The following IFT122 variants were observed in gnomAD, a reference collection of about 807,000 sequenced individuals.
IFT122 encodes the protein intraflagellar transport 122.
IFT122 carries 118 observed loss-of-function variants against 161.6 expected under a neutral mutation model. The observed-to-expected ratio is 0.73, with a 90% CI of 0.63 to 0.85. IFT122 has a LOEUF of 0.85. IFT122 is among the 40% of genes least tolerant of loss of function. IFT122 has a pLI of 0.00. For synonymous variants in IFT122, 550 were observed against 602.4 expected (o/e 0.91, Z 1.27); for missense variants, 1,381 against 1,579.6 (o/e 0.87, Z 2.13).
intron 8 of IFT122, among the ~76,000 whole-genome samples, chr3:129,467,807 C>T (rs1218781067): frequency 1.3e-5 from 2 of 152,208 alleles, no homozygotes; most frequent in Non-Finnish European, 2.9e-5. Flanking sequence ...CCTGAGTTTC[C>T]TTGGAAGAAT....
At chr3:129,440,627 C>T (rs769525127) in intron 1 of IFT122, among the ~76,000 whole-genome samples, 1 of 152,188 alleles carries the variant, frequency 6.6e-6, no homozygotes, top group Non-Finnish European at 1.5e-5. Flanking sequence ...CACGGTCTGG[C>T]CCTGTCGCTG....
chr3:129,455,680 C>T (rs185818286), intron 3 of IFT122, among the ~76,000 whole-genome samples: 3 of 151,932 alleles, frequency 2.0e-5, no homozygotes, highest in Admixed American at 6.6e-5. Context: ...CTGAACCCCC[C>T]AAAACTTTAC....
At chr3:129,515,039 C>T (rs956773195) in intron 25 of IFT122, 6 of 369,620 alleles carry the variant, frequency 1.6e-5, no homozygotes, top group African/African-American at 4.2e-5. Flanking sequence ...TTGGTTCAGA[C>T]AGACCTGGGT....
intron 12 of IFT122, among the ~76,000 whole-genome samples, chr3:129,478,856 G>A (rs2078288413): frequency 6.6e-6 from 1 of 152,120 alleles, no homozygotes; most frequent in Non-Finnish European, 1.5e-5. Flanking sequence ...TTATTGATAA[G>A]CATATACACA....
intron 9 of IFT122, among the ~76,000 whole-genome samples, chr3:129,471,541 G>A (rs892961191): frequency 3.9e-5 from 6 of 152,166 alleles, no homozygotes; most frequent in African/African-American, 1.4e-4. Flanking sequence ...TGTTGCTATG[G>A]CCACAGAAGA....
rs780228738 is a variant in IFT122, at chr3:129,476,668, C to T, written c.1014C>T (p.Val338=). 4.3e-6 allele frequency: 7 copies of T among 1,614,156 alleles called. No individual in the cohort carries two copies. Among genetic ancestry groups the T allele is most frequent in the African/African-American group, 1.3e-5 (1 of 75,042 alleles). ...QAKPDSNYVV[V]GCQDGTISFY... ...ACAGTTCTCTCACCCCGCAGGTGGT[C>T]GGCTGCCAGGACGGCACCATTTCCT... The change falls in exon 11 of 30, where the codon GTC becomes GTT. Residue 338 remains valine (V), a synonymous_variant. Transcript: ENST00000348417.
At chr3:129,482,406 G>A (rs1158371537) in intron 14 of IFT122, among the ~76,000 whole-genome samples, 1 of 152,194 alleles carries the variant, frequency 6.6e-6, no homozygotes, top group Non-Finnish European at 1.5e-5. Context: ...GTTTTCCAGA[G>A]TGAAGTTCCC....
intron 2 of IFT122, among the ~76,000 whole-genome samples, chr3:129,451,016 G>C (rs1318354017): frequency 6.6e-6 from 1 of 152,066 alleles, no homozygotes; most frequent in East Asian, 1.9e-4. Context: ...CACCGCGCCC[G>C]GCCAGATGGT....
chr3:129,456,215 C>T, intron 3 of IFT122: 1 of 1,285,306 alleles, frequency 7.8e-7, no homozygotes, highest in East Asian at 5.6e-5. Context: ...TTATGCTTTT[C>T]ATCACCATCA....
intron 1 of IFT122, among the ~76,000 whole-genome samples, chr3:129,447,984 A>C (rs2074245963): frequency 6.6e-6 from 1 of 151,924 alleles, no homozygotes; most frequent in Admixed American, 6.6e-5. Context: ...TTACAATTTT[A>C]TTTTTGTTTT....
intron 4 of IFT122, among the ~76,000 whole-genome samples, chr3:129,459,625 C>T (rs2075963008): frequency 6.8e-6 from 1 of 147,502 alleles, no homozygotes; most frequent in African/African-American, 2.5e-5. Context: ...TCCTTCCTTC[C>T]TTCCTTCCTT....
intron 25 of IFT122, 140 bp downstream of exon 25, chr3:129,514,694 C>A: frequency 2.1e-6 from 2 of 964,098 alleles, no homozygotes; most frequent in Non-Finnish European, 3.2e-6. Context: ...TCAAGCCTGG[C>A]CATGCCAGCT....
chr3:129,519,724 T>G lies in IFT122; in HGVS notation c.3628T>G (p.Cys1210Gly), dbSNP rs760754175. 6.2e-7 allele frequency: 1 copy of G among 1,613,514 alleles called. No individual in the cohort carries two copies. The highest frequency in any genetic ancestry group is 1.3e-5 in the African/African-American group (1 of 74,934). Residue 1210 changes from cysteine (C) to glycine (G), a missense_variant, in exon 29 of 30, where the codon TGC (cysteine) becomes GGC (glycine). This residue lies in a region of IFT122 where 177 missense variants were observed against 199.2 expected (regional missense o/e 0.89). Transcript: ENST00000348417. ...PDASITMCPSCFQMFHSEDYE... is the reference protein window; with the variant it reads ...PDASITMCPSGFQMFHSEDYE... ...CGCCTCCATTACCATGTGCCCCTCC[T>G]GCTTCCAGGTAGGTGGCCACCCTGG...
At chr3:129,514,582 G>A (rs1311197104) in intron 25 of IFT122, 28 bp downstream of exon 25, 1 of 1,613,876 alleles carries the variant, frequency 6.2e-7, no homozygotes, top group African/African-American at 1.3e-5. Flanking sequence ...TTGGGCAGGT[G>A]GCTTCTCCTC....
chr3:129,499,788 C>T (rs928775483), intron 18 of IFT122, 114 bp from the exon 19 acceptor site: 2 of 1,285,032 alleles, frequency 1.6e-6, no homozygotes, highest in East Asian at 4.6e-5. Context: ...CTGCCTACCT[C>T]CTGGTTGCCT....
At chr3:129,468,642 C>T (rs2077051825) in intron 8 of IFT122, among the ~76,000 whole-genome samples, 1 of 152,238 alleles carries the variant, frequency 6.6e-6, no homozygotes, top group Non-Finnish European at 1.5e-5. Context: ...TCACGGGCTG[C>T]CGCTTTTCTC....
At chr3:129,482,895 A>G (rs961041815) in intron 14 of IFT122, among the ~76,000 whole-genome samples, 1 of 151,934 alleles carries the variant, frequency 6.6e-6, no homozygotes, top group African/African-American at 2.4e-5. Flanking sequence ...CCCCAGCCTC[A>G]CCTCCCACCT....
At chr3:129,458,451 C>T (rs1559860628) in intron 3 of IFT122, 148 bp from the exon 4 acceptor site, 4 of 695,320 alleles carry the variant, frequency 5.8e-6, no homozygotes, top group Non-Finnish European at 1.0e-5. Context: ...ATTCTGACTC[C>T]AAGGTCCTGC....
chr3:129,444,282 CCCAGGTCTGTTA>C (rs1250456695), intron 1 of IFT122, among the ~76,000 whole-genome samples: 1 of 152,210 alleles, frequency 6.6e-6, no homozygotes, highest in African/African-American at 2.4e-5. Context: ...ACAAGGAAGG[CCCAGGTCTGTTA>C]CCACATAATG....
Sources: gnomAD v4.1 joint callset for allele counts (sites outside exome capture counted in the v4.1 genomes callset) on GRCh38, gnomAD v4.1.1 for gene constraint, gnomAD v4.1.1 regional missense constraint, MANE v1.5 for transcripts, NCBI Gene and HGNC (gene_info 2026-07-23, HGNC 2026-07-21) for gene names.